The following APBA1 variants were observed in gnomAD, a reference collection of about 807,000 sequenced individuals.
The protein encoded by APBA1 is amyloid-beta A4 precursor protein-binding family A member 1.
In APBA1, 55 loss-of-function variants were observed where a neutral mutation model predicts 86.6. That is an observed-to-expected ratio of 0.64 (90% confidence interval 0.51 to 0.80). The LOEUF is 0.80. Ranked by LOEUF, APBA1 falls within the 30% of genes least tolerant of loss-of-function variation. The pLI, the probability that APBA1 is intolerant of heterozygous loss-of-function variation, is 0.00. For synonymous variants in APBA1, 511 were observed against 493.9 expected, an observed-to-expected ratio of 1.03 and a Z score of -0.46; for missense variants, 1,090 against 1,183.0, an observed-to-expected ratio of 0.92 and a Z score of 1.15.
intron 1 of APBA1, among the ~76,000 whole-genome samples, chr9:69,574,876 G>A (rs888698870): frequency 1.2e-4 from 18 of 152,148 alleles, no homozygotes; most frequent in Non-Finnish European, 2.1e-4. Context: ...AAATGCCCAC[G>A]GTCTATTCAT....
chr9:69,628,574 A>C (rs1289676597), intron 1 of APBA1, among the ~76,000 whole-genome samples: 1 of 152,204 alleles, frequency 6.6e-6, no homozygotes, highest in Non-Finnish European at 1.5e-5. Context: ...GAGTCACCTG[A>C]GTGCCATGGC....
At chr9:69,486,232 A>G (rs1835607473) in intron 2 of APBA1, among the ~76,000 whole-genome samples, 1 of 152,088 alleles carries the variant, frequency 6.6e-6, no homozygotes, top group Non-Finnish European at 1.5e-5. Context: ...GATTACAGGC[A>G]TGAACCACTG....
chr9:69,669,159 AAATT>A (rs1359074042), intron 1 of APBA1, among the ~76,000 whole-genome samples: 1 of 152,180 alleles, frequency 6.6e-6, no homozygotes, highest in Non-Finnish European at 1.5e-5. Context: ...AAATGTTTGC[AAATT>A]AATTATTGTA....
chr9:69,501,258 T>C (rs1564057432), intron 2 of APBA1, among the ~76,000 whole-genome samples: 2 of 152,144 alleles, frequency 1.3e-5, no homozygotes, highest in African/African-American at 4.8e-5. Context: ...AAGACTGTGT[T>C]TCAAAACAAG....
chr9:69,617,706 A>G (rs1822730756), intron 1 of APBA1, among the ~76,000 whole-genome samples: 1 of 152,160 alleles, frequency 6.6e-6, no homozygotes, highest in Admixed American at 6.5e-5. Flanking sequence ...CAGCCAGACA[A>G]CTGTCAACAC....
At chr9:69,556,240 C>T (rs980550859) in intron 1 of APBA1, among the ~76,000 whole-genome samples, 3 of 152,094 alleles carry the variant, frequency 2.0e-5, no homozygotes, top group Admixed American at 6.6e-5. Context: ...TGGAAAATAT[C>T]GAATCAGTTC....
At chr9:69,458,020 G>A (rs1199914423) in intron 6 of APBA1, 136 bp downstream of exon 6, 1 of 852,092 alleles carries the variant, frequency 1.2e-6, no homozygotes, top group East Asian at 2.7e-5. Context: ...CTGGCTTATG[G>A]GGCGGTTCAA....
At chr9:69,666,844 G>A (rs944349117) in intron 1 of APBA1, among the ~76,000 whole-genome samples, 2 of 152,134 alleles carry the variant, frequency 1.3e-5, no homozygotes, top group Non-Finnish European at 2.9e-5. Context: ...CAACTCATTC[G>A]ATGTCCATTG....
At chr9:69,632,837 T>A (rs1484168542) in intron 1 of APBA1, among the ~76,000 whole-genome samples, 1 of 152,196 alleles carries the variant, frequency 6.6e-6, no homozygotes, top group East Asian at 1.9e-4. Flanking sequence ...AATTCTGTGA[T>A]CCAAACGAAT....
intron 1 of APBA1, among the ~76,000 whole-genome samples, chr9:69,669,907 A>C (rs927767351): frequency 1.3e-5 from 2 of 152,202 alleles, no homozygotes; most frequent in African/African-American, 4.8e-5. Context: ...CATATTATTA[A>C]ACTTTCTTGT....
chr9:69,626,831 C>G (rs530420356), intron 1 of APBA1, among the ~76,000 whole-genome samples: 1 of 152,040 alleles, frequency 6.6e-6, no homozygotes, highest in Admixed American at 6.5e-5. Flanking sequence ...TATTTATTTA[C>G]CTACTAATGT....
intron 1 of APBA1, among the ~76,000 whole-genome samples, chr9:69,648,124 G>A (rs542420161): frequency 9.8e-5 from 15 of 152,350 alleles, no homozygotes; most frequent in African/African-American, 3.4e-4. Flanking sequence ...AGTGAAGAGC[G>A]TGGTTAAGAG....
intron 1 of APBA1, among the ~76,000 whole-genome samples, chr9:69,595,885 G>A (rs1360010991): frequency 6.6e-6 from 1 of 152,172 alleles, no homozygotes; most frequent in Non-Finnish European, 1.5e-5. Flanking sequence ...TTCACGATCA[G>A]TGATGCTTCA....
intron 12 of APBA1, 90 bp downstream of exon 12, chr9:69,432,445 TG>T: frequency 7.7e-7 from 1 of 1,302,976 alleles, no homozygotes; most frequent in Non-Finnish European, 1.0e-6. Context: ...GGAGCTTTCC[TG>T]GAAGGTCTGC....
At position 69,499,666 on chromosome 9, in the gene APBA1, C is replaced by CA. The variant is rs71356111; in HGVS notation, c.1200+16344dup. On this transcript the variant is annotated intron_variant, in intron 2 of 12. Transcript: ENST00000265381. ...GGTCAGTAGTTTCCTAGCAACGGTC[C>CA]AAAAAAAAAAAAAATCCATGTCGGT... Among the ~76,000 whole-genome samples the CA allele has an allele frequency of 8.4e-3, 1,201 of 143,064 alleles. 17 individuals carry two copies. The highest frequency in any genetic ancestry group is 0.025 in the African/African-American group (965 of 38,362). The allele number at this position is 143,064 out of a possible 152,430, so 93.9% of individuals were successfully genotyped here.
chr9:69,644,438 C>T (rs898844240), intron 1 of APBA1, among the ~76,000 whole-genome samples: 6 of 152,106 alleles, frequency 3.9e-5, no homozygotes, highest in African/African-American at 1.2e-4. Context: ...TTTCTCATCC[C>T]CCAAAATTCT....
chr9:69,599,035 A>G (rs1411440), intron 1 of APBA1, among the ~76,000 whole-genome samples: 106,263 of 152,062 alleles, frequency 0.7, 37,382 homozygotes, highest in East Asian at 0.85. Context: ...TCATAGAGCA[A>G]AAAGTAGAAT....
chr9:69,543,606 C>T (rs1044760976), intron 1 of APBA1, among the ~76,000 whole-genome samples: 1 of 152,114 alleles, frequency 6.6e-6, no homozygotes, highest in African/African-American at 2.4e-5. Context: ...CTTCTATGCG[C>T]TTAAATATTA....
rs185614754 is a variant in APBA1, at chr9:69,544,354, G to A, written c.-69-27075C>T. Among the ~76,000 whole-genome samples the A allele has an allele frequency of 3.4e-3, 519 of 152,294 alleles. 3 individuals are homozygous for A. The highest frequency in any genetic ancestry group is 0.012 in the African/African-American group (488 of 41,556). On this transcript the variant is annotated intron_variant, in intron 1 of 12. Coordinates refer to ENST00000265381, the MANE Select transcript of APBA1 (RefSeq NM_001163.4). ...TGAGTTTCTGTTACTGAATATAGCT[G>A]AAAGTAATACAAAGTCAATTTAAAT...
Sources: allele counts gnomAD v4.1 joint callset (sites outside exome capture counted in the v4.1 genomes callset), GRCh38; gene constraint gnomAD v4.1.1; transcripts MANE v1.5; gene names NCBI Gene and HGNC (gene_info 2026-07-23, HGNC 2026-07-21).